SASH1: variants seen among roughly 807,000 people sequenced by gnomAD.
SASH1 encodes SAM and SH3 domain containing 1, also known as SAM and SH3 domain-containing protein 1.
Under a neutral mutation model 125.2 loss-of-function variants are expected in SASH1, and 44 were observed. That is an observed-to-expected ratio of 0.35 (90% CI 0.28 to 0.45). The LOEUF (loss-of-function observed/expected upper bound fraction) is 0.45. Among genes scored for constraint, SASH1 ranks in the 20% least tolerant of loss-of-function variants. The probability of loss-of-function intolerance (pLI) is 1.00; values close to 1 mark genes in which losing one functional copy is unlikely to be tolerated. For missense variants in SASH1, 1,426 were observed against 1,614.5 expected (o/e 0.88, Z 2.00); for synonymous variants, 639 against 649.1 (o/e 0.98, Z 0.24).
chr6:148,503,356 C>T (rs1359503164), intron 8 of SASH1, among the ~76,000 whole-genome samples: 3 of 152,070 alleles, frequency 2.0e-5, no homozygotes, highest in African/African-American at 7.2e-5. Flanking sequence ...AATTTTACCA[C>T]AAAGTGTGCA....
At chr6:148,493,791 C>T (rs936814574) in intron 8 of SASH1, among the ~76,000 whole-genome samples, 5 of 152,156 alleles carry the variant, frequency 3.3e-5, no homozygotes, top group Non-Finnish European at 5.9e-5. Context: ...CTGTTTTGTG[C>T]TGTTTTCCAT....
At chr6:148,261,456 G>C in the SASH1 span, among the ~76,000 whole-genome samples, 12 of 152,292 alleles carry the variant, frequency 7.9e-5, no homozygotes, top group Admixed American at 7.2e-4. Flanking sequence ...ATGCAAACAG[G>C]GCAATTTATA....
intron 1 of SASH1, among the ~76,000 whole-genome samples, chr6:148,334,264 A>G (rs1248007993): frequency 2.1e-5 from 3 of 146,150 alleles, no homozygotes; most frequent in Non-Finnish European, 4.5e-5. Context: ...CTCTACTAAA[A>G]ATACAAAAAA....
At chr6:148,405,510 C>T (rs1784340534) in intron 2 of SASH1, among the ~76,000 whole-genome samples, 1 of 152,086 alleles carries the variant, frequency 6.6e-6, no homozygotes, top group Non-Finnish European at 1.5e-5. Flanking sequence ...TGGCAGTCTG[C>T]TCCTTCTCCC....
chr6:148,241,828 C>T, the SASH1 span, among the ~76,000 whole-genome samples: 102 of 152,130 alleles, frequency 6.7e-4, no homozygotes, highest in Non-Finnish European at 1.2e-3. Context: ...GTACCCACCT[C>T]GTATGACTGT....
At chr6:148,347,594 C>G (rs905153611) in intron 1 of SASH1, among the ~76,000 whole-genome samples, 1 of 152,146 alleles carries the variant, frequency 6.6e-6, no homozygotes, top group African/African-American at 2.4e-5. Flanking sequence ...CCTGAGGGGG[C>G]TTTTAAAATG....
the SASH1 span, among the ~76,000 whole-genome samples, chr6:148,213,684 G>C: frequency 6.6e-6 from 1 of 151,996 alleles, no homozygotes; most frequent in Non-Finnish European, 1.5e-5. Flanking sequence ...CTGAAAACAG[G>C]CACTAGATTA....
At chr6:148,281,367 G>C (rs1170803245) in intron 1 of SASH1, among the ~76,000 whole-genome samples, 1 of 152,112 alleles carries the variant, frequency 6.6e-6, no homozygotes, top group African/African-American at 2.4e-5. Context: ...AGATGGACTA[G>C]AAACATAGAA....
rs1255912829 is a variant in SASH1, at chr6:148,277,855, T to C, written n.74+5478T>C. The stretch of plus-strand genomic sequence containing the variant: ...CCTCAGCCTCCTGAGTAACTGGGAC[T>C]ACAGGCGCGCGCCACCAAGCCCAGC... On this transcript the variant is annotated intron_variant and non_coding_transcript_variant, in intron 1 of 3. Transcript: ENST00000367469. Among the ~76,000 whole-genome samples the C allele has an allele frequency of 2.7e-5, 4 of 149,732 alleles. No homozygotes were observed. The East Asian group carries it at 8.1e-4, about 30-fold the overall frequency.
chr6:148,532,831 C>T lies in SASH1; in HGVS notation c.1599C>T (p.Thr533=). The T allele has an allele frequency of 6.2e-7, 1 of 1,614,228 alleles. No homozygotes were observed. Among genetic ancestry groups the T allele is most frequent in the Non-Finnish European group, 8.5e-7 (1 of 1,180,050 alleles). Residue 533 remains threonine, a synonymous_variant, in exon 14 of 20, where the codon ACC becomes ACT. Transcript: ENST00000367467. The surrounding 1 kb of genome is among the most constrained non-coding windows in gnomAD (Gnocchi z 4.7). ...GQTVSTTDSS[T]SNRESVKSED... Reference sequence around the variant, plus strand: ...CAGTGAGCACCACTGATTCCTCAACCAGCAACCGGGAAAGCGTCAAGTCGG... The same window carrying T: ...CAGTGAGCACCACTGATTCCTCAACTAGCAACCGGGAAAGCGTCAAGTCGG...
At chr6:148,463,122 G>A (rs968357063) in intron 4 of SASH1, among the ~76,000 whole-genome samples, 1 of 152,014 alleles carries the variant, frequency 6.6e-6, no homozygotes, top group Non-Finnish European at 1.5e-5. Context: ...AGTTTCCACT[G>A]TGTGGAGTGA....
rs909793739 is a variant in SASH1 at position 148,550,936 on chromosome 6, T to G, written c.*2378T>G. The G allele has an allele frequency of 2.0e-5, 3 of 152,560 alleles. No homozygotes were observed. The highest frequency in any genetic ancestry group is 7.2e-5 in the African/African-American group (3 of 41,450). 9.5% of individuals were successfully genotyped at this position (152,560 alleles called of 1,614,324 possible). A position where few individuals can be genotyped will look rare whatever the true frequency, so the allele number is the denominator to read the frequency against. On this transcript the variant is annotated 3_prime_UTR_variant, in exon 20 of 20. Coordinates refer to ENST00000367467, the MANE Select transcript of SASH1 (RefSeq NM_015278.5). ...TCTCCATGAAGGATTTTCATTTCAGTGAAAGTCGCAGCAGAAGAGGGAACT... is the reference window on the plus strand; with the variant it reads ...TCTCCATGAAGGATTTTCATTTCAGGGAAAGTCGCAGCAGAAGAGGGAACT...
At chr6:148,246,516 A>T in the SASH1 span, among the ~76,000 whole-genome samples, 1 of 152,206 alleles carries the variant, frequency 6.6e-6, no homozygotes, top group Non-Finnish European at 1.5e-5. Flanking sequence ...TTTATTCTTG[A>T]TTCAACTCAT....
chr6:148,364,156 C>T (rs548366869), intron 1 of SASH1, among the ~76,000 whole-genome samples: 1 of 152,288 alleles, frequency 6.6e-6, no homozygotes, highest in East Asian at 1.9e-4. Context: ...TCCAGCTCCA[C>T]GTCAATGACT....
chr6:148,318,438 C>G (rs1036790069), intron 1 of SASH1, among the ~76,000 whole-genome samples: 3 of 152,048 alleles, frequency 2.0e-5, no homozygotes, highest in African/African-American at 7.2e-5. Context: ...ATTTGACATT[C>G]ATTTATTTGT....
At chr6:148,233,740 T>TATAAAAAAAAAAAAAAA in the SASH1 span, among the ~76,000 whole-genome samples, 1 of 11,698 alleles carries the variant, frequency 8.5e-5, no homozygotes, top group Non-Finnish European at 1.3e-4. Flanking sequence ...GCTTCCTCTC[T>TATAAAAAAAAAAAAAAA]ACAAAAAAAA....
chr6:148,302,264 A>T (rs1433091065), intron 1 of SASH1, among the ~76,000 whole-genome samples: 2 of 134,020 alleles, frequency 1.5e-5, no homozygotes, highest in Middle Eastern at 4.4e-3. Flanking sequence ...GTGAGCCGAG[A>T]TCCCGCCACT....
At position 148,373,982 on chromosome 6, in the gene SASH1, AAAC is replaced by A. The variant is rs540663484; in HGVS notation, c.157-16143_157-16141del. Among the ~76,000 whole-genome samples, 686 of 152,298 alleles carry A rather than the reference AAAC, an allele frequency of 4.5e-3. 5 individuals carry two copies. The highest frequency in any genetic ancestry group is 0.013 in the Admixed American group (196 of 15,302). Reference sequence around the variant, plus strand: ...GTGACAGAGTGAGACTCCGTCTCAAAAACAACAACAAGGACAACAACAAAAAAC... The same window carrying A: ...GTGACAGAGTGAGACTCCGTCTCAAAAACAACAAGGACAACAACAAAAAAC... On this transcript the variant is annotated intron_variant, in intron 1 of 19. Transcript: ENST00000367467.
At chr6:148,195,321 A>G in the SASH1 span, among the ~76,000 whole-genome samples, 1 of 152,252 alleles carries the variant, frequency 6.6e-6, no homozygotes, top group Admixed American at 6.5e-5. Flanking sequence ...CTGATGTAGC[A>G]GCAGGCTCTG....
Sources: gnomAD v4.1 joint callset for allele counts (sites outside exome capture counted in the v4.1 genomes callset) on GRCh38, gnomAD v4.1.1 for gene constraint, Gnocchi (gnomAD v3.1) non-coding constraint, MANE v1.5 for transcripts, NCBI Gene and HGNC (gene_info 2026-07-23, HGNC 2026-07-21) for gene names.